RRAGD: variants seen among roughly 807,000 people sequenced by gnomAD.
The protein encoded by RRAGD is ras-related GTP-binding protein D.
A neutral mutation model predicts 35.5 loss-of-function variants in RRAGD; 12 were observed. The observed-to-expected ratio is 0.34, with a 90% CI of 0.22 to 0.55. RRAGD has a LOEUF of 0.55. RRAGD is among the 20% of genes least tolerant of loss of function. The pLI is 0.91. For missense variants in RRAGD, 324 were observed against 490.1 expected, an observed-to-expected ratio of 0.66 and a Z score of 3.20; for synonymous variants, 155 against 178.9, an observed-to-expected ratio of 0.87 and a Z score of 1.07.
chr6:89,371,810 T>C (rs1475590095), intron 6 of RRAGD, among the ~76,000 whole-genome samples: 1 of 152,192 alleles, frequency 6.6e-6, no homozygotes, highest in Admixed American at 6.5e-5. Context: ...TTAGATATTA[T>C]AGAAGGGGGA....
In RRAGD at chr6:89,368,003, G is replaced by A. The variant is rs1042594070; in HGVS notation, c.*53C>T. ...TCCTCTTCCTTTAGTGCAACATGGC[G>A]CAGCAGCCTCATGGATAAGGTCTGA... On this transcript the variant is annotated 3_prime_UTR_variant, in exon 7 of 7. Coordinates refer to ENST00000369415, the MANE Select transcript of RRAGD (RefSeq NM_021244.5). The A allele has an allele frequency of 3.2e-5, 47 of 1,472,066 alleles. 1 individual carries two copies. Among genetic ancestry groups the A allele is most frequent in the East Asian group, 2.3e-4 (10 of 43,334 alleles). 91.2% of individuals were successfully genotyped at this position (1,472,066 alleles called of 1,614,324 possible). A position where few individuals can be genotyped will look rare whatever the true frequency, so the allele number is the denominator to read the frequency against.
At chr6:89,379,585 A>C (rs1769008186) in intron 3 of RRAGD, among the ~76,000 whole-genome samples, 1 of 152,230 alleles carries the variant, frequency 6.6e-6, no homozygotes, top group Non-Finnish European at 1.5e-5. Context: ...GCAAGCTTAC[A>C]ACCGCAGCAA....
rs926301193 is a variant in RRAGD at position 89,366,176 on chromosome 6, A to G, written c.*1880T>C. The G allele has an allele frequency of 2.0e-5, 3 of 152,358 alleles. No homozygotes were observed. Among genetic ancestry groups the G allele is most frequent in the Admixed American group, 1.3e-4 (2 of 15,280 alleles). The allele number at this position is 152,358 out of a possible 1,614,324, so 9.4% of individuals were successfully genotyped here. The stretch of plus-strand genomic sequence containing the variant: ...ATCTTAAATTCAGTTACCAGCTTCA[A>G]AGAAACAGGACTTGGGGAGAGGAAG... On this transcript the variant is annotated 3_prime_UTR_variant, in exon 7 of 7. Coordinates refer to ENST00000369415, the MANE Select transcript of RRAGD (RefSeq NM_021244.5).
At chr6:89,379,094 T>G in intron 4 of RRAGD, 130 bp downstream of exon 4, 2 of 537,368 alleles carry the variant, frequency 3.7e-6, no homozygotes, top group South Asian at 4.9e-5. Flanking sequence ...CACGTAGGAG[T>G]AATCTTTAAA....
intron 1 of RRAGD, among the ~76,000 whole-genome samples, chr6:89,405,136 G>C (rs1005347496): frequency 1.3e-5 from 2 of 151,970 alleles, no homozygotes; most frequent in South Asian, 2.1e-4. Context: ...GGATCACGAG[G>C]TCAGGAGATC....
chr6:89,397,600 TC>T (rs1769363919), intron 1 of RRAGD, among the ~76,000 whole-genome samples: 1 of 143,174 alleles, frequency 7.0e-6, no homozygotes, highest in Non-Finnish European at 1.5e-5. Context: ...CGAGACTCCG[TC>T]TCAAAAAAAA....
At chr6:89,381,320 A>G (rs565414180) in intron 2 of RRAGD, among the ~76,000 whole-genome samples, 3 of 152,320 alleles carry the variant, frequency 2.0e-5, no homozygotes, top group African/African-American at 4.8e-5. Context: ...GCCCCTTTAC[A>G]GAAAAAGTCC....
At chr6:89,383,430 G>C (rs1769083915) in intron 2 of RRAGD, among the ~76,000 whole-genome samples, 1 of 152,186 alleles carries the variant, frequency 6.6e-6, no homozygotes, top group South Asian at 2.1e-4. Flanking sequence ...TTAGAACAGA[G>C]GGATTGCAGG....
chr6:89,397,634 C>A (rs1052148040), intron 1 of RRAGD, among the ~76,000 whole-genome samples: 1 of 137,688 alleles, frequency 7.3e-6, no homozygotes, highest in East Asian at 1.9e-4. Context: ...CAAAAAAAAC[C>A]TGTAAACAAC....
rs140472546 is a variant in RRAGD, at chr6:89,401,765, G to A, written c.148+10081C>T. ...AATGTCACCCCCACTGCTAAATCAG[G>A]CACTATCACTTCCTGGGCCATAACC... On this transcript the variant is annotated intron_variant, in intron 1 of 6. Transcript: ENST00000369415. Among the ~76,000 whole-genome samples, 365 of 152,154 alleles carry A rather than the reference G, an allele frequency of 2.4e-3. 1 individual carries two copies. The highest frequency in any genetic ancestry group is 3.9e-3 in the Non-Finnish European group (266 of 68,004).
In RRAGD at chr6:89,365,493, ATGACT is replaced by A. The variant is rs1222753921; in HGVS notation, c.*2558_*2562del. The stretch of plus-strand genomic sequence containing the variant: ...TCTCATATCAAAAATACAATGCAAA[ATGACT>A]TGAAGACATTTCCAATAACACAGAT... On this transcript the variant is annotated 3_prime_UTR_variant, in exon 7 of 7. Coordinates refer to ENST00000369415, the MANE Select transcript of RRAGD (RefSeq NM_021244.5). 1 of 152,240 alleles carries A rather than the reference ATGACT, an allele frequency of 6.6e-6. No homozygotes were observed. The highest frequency in any genetic ancestry group is 1.9e-4 in the East Asian group (1 of 5,202). The allele number at this position is 152,240 out of a possible 1,614,324, so 9.4% of individuals were successfully genotyped here. A position where few individuals can be genotyped will look rare whatever the true frequency, so the allele number is the denominator to read the frequency against.
chr6:89,380,401 C>T (rs367943087), intron 2 of RRAGD, 34 bp from the exon 3 acceptor site: 514 of 1,591,896 alleles, frequency 3.2e-4, no homozygotes, highest in Non-Finnish European at 4.2e-4. Flanking sequence ...GAGAGAAGGC[C>T]GCTTTGCTTC....
In RRAGD at chr6:89,411,743, A is replaced by AC. The variant is rs2127901075; in HGVS notation, c.148+102dup. 7.9e-7 allele frequency: 1 copy of AC among 1,262,962 alleles called. No homozygotes were observed. Among genetic ancestry groups the AC allele is most frequent in the African/African-American group, 1.5e-5 (1 of 65,022 alleles). The allele number at this position is 1,262,962 out of a possible 1,614,324, so 78.2% of individuals were successfully genotyped here. A position where few individuals can be genotyped will look rare whatever the true frequency, so the allele number is the denominator to read the frequency against. On this transcript the variant is annotated intron_variant, in intron 1 of 6. Coordinates refer to ENST00000369415, the MANE Select transcript of RRAGD (RefSeq NM_021244.5). This position sits in a 1 kb window ranked among gnomAD's most constrained non-coding sequence, Gnocchi z 5.6. ...CCCTCAACTGGACCCGCTCCCCTGG[A>AC]CCCCCTCCAAGTCGGTGGCTCGCGC...
intron 3 of RRAGD, 90 bp downstream of exon 3, chr6:89,380,078 G>T: frequency 8.9e-7 from 1 of 1,121,960 alleles, no homozygotes. Context: ...GTAAATTACT[G>T]CCCATGCCAA....
chr6:89,402,287 C>G (rs1277058316), intron 1 of RRAGD, among the ~76,000 whole-genome samples: 1 of 151,930 alleles, frequency 6.6e-6, no homozygotes, highest in Non-Finnish European at 1.5e-5. Context: ...ACCTCATGAT[C>G]CGCCAGCCTC....
chr6:89,406,945 T>C (rs1023866963), intron 1 of RRAGD, among the ~76,000 whole-genome samples: 1 of 152,146 alleles, frequency 6.6e-6, no homozygotes, highest in Non-Finnish European at 1.5e-5. Flanking sequence ...CAAACCCCCA[T>C]CACACACCCT....
In RRAGD at chr6:89,411,792, G is replaced by C. The variant is rs1307072126; in HGVS notation, c.148+54C>G. On this transcript the variant is annotated intron_variant, in intron 1 of 6. Coordinates refer to ENST00000369415, the MANE Select transcript of RRAGD (RefSeq NM_021244.5). This position sits in a 1 kb window ranked among gnomAD's most constrained non-coding sequence, Gnocchi z 5.6. The stretch of plus-strand genomic sequence containing the variant: ...GCACGGCCGGGCTGGGGGCGGGAAG[G>C]CGCCAAGGGGAGGAAAGGGGCGCGA... The C allele has an allele frequency of 6.6e-7, 1 of 1,510,194 alleles. No individual in the cohort carries two copies. Among genetic ancestry groups the C allele is most frequent in the East Asian group, 2.6e-5 (1 of 39,110 alleles). The allele number at this position is 1,510,194 out of a possible 1,614,324, so 93.5% of individuals were successfully genotyped here. A position where few individuals can be genotyped will look rare whatever the true frequency, so the allele number is the denominator to read the frequency against.
intron 1 of RRAGD, among the ~76,000 whole-genome samples, chr6:89,407,473 A>G (rs1769603440): frequency 6.6e-6 from 1 of 152,118 alleles, no homozygotes; most frequent in Non-Finnish European, 1.5e-5. Flanking sequence ...CCTCATCTCT[A>G]CTAAAAATAC....
chr6:89,382,884 T>TAA (rs60288774), intron 2 of RRAGD, among the ~76,000 whole-genome samples: 1 of 145,980 alleles, frequency 6.9e-6, no homozygotes, highest in African/African-American at 2.5e-5. Flanking sequence ...TCAAAAAAAA[T>TAA]AAAAAAAAAA....
Sources: allele counts gnomAD v4.1 joint callset (sites outside exome capture counted in the v4.1 genomes callset), GRCh38; gene constraint gnomAD v4.1.1; non-coding constraint Gnocchi (gnomAD v3.1); transcripts MANE v1.5; gene names NCBI Gene and HGNC (gene_info 2026-07-23, HGNC 2026-07-21).